The following DAPK1 variants were observed in gnomAD, a reference collection of about 807,000 sequenced individuals.
DAPK1 encodes the protein death associated protein kinase 1, also known as death-associated protein kinase 1.
In DAPK1, 56 loss-of-function variants were observed where a neutral mutation model predicts 144.9. The observed-to-expected ratio is 0.39, with a 90% confidence interval of 0.31 to 0.48. DAPK1 has a LOEUF of 0.48. Among genes scored for constraint, DAPK1 ranks in the 20% least tolerant of loss-of-function variants. The pLI, the probability that DAPK1 is intolerant of heterozygous loss-of-function variation, is 0.95. For missense variants in DAPK1, 1,454 were observed against 1,875.4 expected (o/e 0.78, Z 4.15); for synonymous variants, 690 against 749.0 (o/e 0.92, Z 1.29).
intron 2 of DAPK1, among the ~76,000 whole-genome samples, chr9:87,548,543 T>G (rs536587689): frequency 6.6e-6 from 1 of 152,356 alleles, no homozygotes; most frequent in East Asian, 1.9e-4. Flanking sequence ...ACTCTTTTCT[T>G]TGAGCTAATG....
intron 2 of DAPK1, among the ~76,000 whole-genome samples, chr9:87,564,668 A>AAG (rs922810952): frequency 2.6e-4 from 40 of 151,054 alleles, no homozygotes; most frequent in African/African-American, 8.5e-4. Context: ...GAGAAAAAGA[A>AAG]AGAGAGAGAG....
intron 20 of DAPK1, among the ~76,000 whole-genome samples, chr9:87,683,091 T>TATTTA (rs1564068861): frequency 1.9e-4 from 28 of 149,774 alleles, no homozygotes; most frequent in Admixed American, 1.8e-3. Flanking sequence ...ATTTATTTTT[T>TATTTA]TTTTTTTTTG....
upstream of DAPK1, chr9:87,497,629 C>G (rs1324591565): frequency 6.2e-6 from 1 of 162,216 alleles, no homozygotes; most frequent in Non-Finnish European, 1.3e-5. Context: ...CGCACTGGCT[C>G]CCCGGCCGGC....
At chr9:87,638,346 G>A (rs1307808192) in intron 4 of DAPK1, among the ~76,000 whole-genome samples, 1 of 152,368 alleles carries the variant, frequency 6.6e-6, no homozygotes, top group African/African-American at 2.4e-5. Context: ...TAGGAGCCAG[G>A]TTTTTTAGTA....
chr9:87,587,921 A>T (rs1005514140), intron 2 of DAPK1, among the ~76,000 whole-genome samples: 1 of 152,264 alleles, frequency 6.6e-6, no homozygotes, highest in Non-Finnish European at 1.5e-5. Flanking sequence ...ATATACAATA[A>T]TAGTAATCAT....
rs1827111883 is a variant in DAPK1 at position 87,566,089 on chromosome 9, TG to T, written c.63-38863del. On this transcript the variant is annotated intron_variant, in intron 2 of 25. Transcript: ENST00000408954. ...AGGCTGGAGTGCAGTGGCACGATCTTGGCTCACTGCAAGCTCCGCCTCCCAG... is the reference window on the plus strand; with the variant it reads ...AGGCTGGAGTGCAGTGGCACGATCTTGCTCACTGCAAGCTCCGCCTCCCAG... Among the ~76,000 whole-genome samples, 3 of 151,112 alleles carry T rather than the reference TG, an allele frequency of 2.0e-5. No homozygotes were observed. In the South Asian group the frequency reaches 6.3e-4, roughly 32 times the overall value.
At chr9:87,533,659 C>CTTGCT (rs1204716617) in intron 2 of DAPK1, among the ~76,000 whole-genome samples, 4 of 28,858 alleles carry the variant, frequency 1.4e-4, no homozygotes, top group African/African-American at 1.1e-3. Context: ...CTTTTCTTTT[C>CTTGCT]CTGCTCTGCC....
At chr9:87,662,679 A>G (rs1166947909) in intron 18 of DAPK1, among the ~76,000 whole-genome samples, 3 of 141,102 alleles carry the variant, frequency 2.1e-5, no homozygotes, top group African/African-American at 5.3e-5. Flanking sequence ...TTAATTTTGT[A>G]TTCTGAAATT....
At chr9:87,555,165 G>C (rs1276803972) in intron 2 of DAPK1, among the ~76,000 whole-genome samples, 1 of 152,134 alleles carries the variant, frequency 6.6e-6, no homozygotes, top group Non-Finnish European at 1.5e-5. Flanking sequence ...CTTTTTGTCA[G>C]CAAAGGAAGT....
intron 3 of DAPK1, among the ~76,000 whole-genome samples, chr9:87,628,604 A>C (rs1166860907): frequency 6.6e-6 from 1 of 152,204 alleles, no homozygotes; most frequent in Non-Finnish European, 1.5e-5. Context: ...AACAGGAAAG[A>C]ACATTCAACA....
At chr9:87,700,833 G>A (rs1191001802) in intron 24 of DAPK1, among the ~76,000 whole-genome samples, 1 of 152,106 alleles carries the variant, frequency 6.6e-6, no homozygotes, top group African/African-American at 2.4e-5. Flanking sequence ...ATTCAAAAGT[G>A]ACTTATTGTG....
chr9:87,518,099 G>GTTTT (rs1554675822), intron 2 of DAPK1, among the ~76,000 whole-genome samples: 2 of 126,046 alleles, frequency 1.6e-5, no homozygotes, highest in African/African-American at 3.4e-5. Context: ...TGCCGTTTAT[G>GTTTT]TTGTTGTTTT....
intron 3 of DAPK1, among the ~76,000 whole-genome samples, chr9:87,618,770 A>G (rs7019944): frequency 0.062 from 9,454 of 152,230 alleles, 411 homozygotes; most frequent in East Asian, 0.12. Context: ...GTGGGAAAGT[A>G]GGGTGGCTAC....
chr9:87,689,362 T>C (rs1488071957), intron 21 of DAPK1, among the ~76,000 whole-genome samples: 1 of 152,020 alleles, frequency 6.6e-6, no homozygotes, highest in African/African-American at 2.4e-5. Flanking sequence ...TTTGATGGGA[T>C]TGTTTGTTAT....
At chr9:87,659,072 A>G (rs1830735520) in intron 18 of DAPK1, among the ~76,000 whole-genome samples, 1 of 152,230 alleles carries the variant, frequency 6.6e-6, no homozygotes, top group Non-Finnish European at 1.5e-5. Flanking sequence ...GCTGTGACAG[A>G]GACCATATGG....
At chr9:87,537,576 ATG>A (rs1327493260) in intron 2 of DAPK1, among the ~76,000 whole-genome samples, 3 of 150,294 alleles carry the variant, frequency 2.0e-5, no homozygotes, top group African/African-American at 7.4e-5. Context: ...AGTATCTGGC[ATG>A]TGTGTAGATG....
intron 2 of DAPK1, among the ~76,000 whole-genome samples, chr9:87,548,562 C>T (rs1481710517): frequency 1.3e-5 from 2 of 152,236 alleles, no homozygotes; most frequent in African/African-American, 4.8e-5. Flanking sequence ...TGCTGAAACA[C>T]TGGATTCCCC....
Position 87,639,807 on chromosome 9 carries a change from C to T in DAPK1, c.621C>T (p.Thr207=). The stretch of plus-strand genomic sequence containing the variant: ...TTTTTAGGAGTATCGGGGTAATAAC[C>T]TATATCCTGTAAGTATCAGAATTCA... ...EADMWSIGVI[T]YILLSGASPF... The change falls in exon 7 of 26, where the codon ACC becomes ACT. Residue 207 remains threonine, a synonymous_variant. Coordinates refer to ENST00000408954, the MANE Select transcript of DAPK1 (RefSeq NM_004938.4). 6.2e-7 allele frequency: 1 copy of T among 1,613,302 alleles called. No individual in the cohort carries two copies. Among genetic ancestry groups the T allele is most frequent in the Non-Finnish European group, 8.5e-7 (1 of 1,179,416 alleles).
intron 24 of DAPK1, among the ~76,000 whole-genome samples, 177 bp from the exon 25 acceptor site, chr9:87,702,852 C>T (rs1825500416): frequency 6.7e-6 from 1 of 149,758 alleles, no homozygotes; most frequent in Admixed American, 6.7e-5. Flanking sequence ...CCAGCCTGGG[C>T]AATAGCGAGA....
Sources: allele counts gnomAD v4.1 joint callset (sites outside exome capture counted in the v4.1 genomes callset), GRCh38; gene constraint gnomAD v4.1.1; transcripts MANE v1.5; gene names NCBI Gene and HGNC (gene_info 2026-07-23, HGNC 2026-07-21).